Variants in MALRD1 observed in about 807,000 individuals in gnomAD.
The protein encoded by MALRD1 is MAM and LDL receptor class A domain containing 1.
MALRD1 carries 247 observed loss-of-function variants against 242.1 expected under a neutral mutation model. That is an observed-to-expected ratio of 1.02 (90% CI 0.92 to 1.13). The LOEUF is 1.13. Ranked by LOEUF, MALRD1 falls within the 50% of genes most tolerant of loss-of-function variation. The pLI is 0.00. For missense variants in MALRD1, 2,989 were observed against 2,533.1 expected, an observed-to-expected ratio of 1.18 and a Z score of -3.86; for synonymous variants, 995 against 866.6, an observed-to-expected ratio of 1.15 and a Z score of -2.60.
intron 18 of MALRD1, among the ~76,000 whole-genome samples, chr10:19,252,309 G>T (rs1023297926): frequency 6.6e-6 from 1 of 152,028 alleles, no homozygotes; most frequent in Admixed American, 6.6e-5. Flanking sequence ...ACTGGGTCCA[G>T]CCCAAGGGCC....
intron 31 of MALRD1, among the ~76,000 whole-genome samples, chr10:19,520,134 T>G (rs1023052835): frequency 6.6e-6 from 1 of 152,166 alleles, no homozygotes; most frequent in African/African-American, 2.4e-5. Context: ...CAGAGAGGGT[T>G]ACTAACTTTC....
At position 19,588,553 on chromosome 10, in the gene MALRD1, C is replaced by G. The variant is rs192012312; in HGVS notation, c.5681-6641C>G. Among the ~76,000 whole-genome samples the G allele has an allele frequency of 4.1e-4, 62 of 152,352 alleles. No individual in the cohort carries two copies. In the East Asian group the frequency reaches 0.01, roughly 25 times the overall value. Reference sequence around the variant, plus strand: ...ATTTCCTGACAAAGCACAAGTATAGCTTTGATTGTGGGATTTTCTGTTGTT... The same window carrying G: ...ATTTCCTGACAAAGCACAAGTATAGGTTTGATTGTGGGATTTTCTGTTGTT... On this transcript the variant is annotated intron_variant, in intron 33 of 39. Transcript: ENST00000454679.
chr10:19,502,647 A>G (rs7068680), intron 31 of MALRD1, among the ~76,000 whole-genome samples: 63,062 of 151,976 alleles, frequency 0.41, 13,762 homozygotes, highest in Non-Finnish European at 0.49. Flanking sequence ...AAACAAGCCA[A>G]TTTTCATTTA....
At chr10:19,319,961 T>C (rs557690119) in intron 21 of MALRD1, among the ~76,000 whole-genome samples, 1 of 152,030 alleles carries the variant, frequency 6.6e-6, no homozygotes, top group South Asian at 2.1e-4. Flanking sequence ...CAAAAACATC[T>C]TAATTTTTAG....
At chr10:19,075,762 G>T (rs1284485504) in intron 2 of MALRD1, among the ~76,000 whole-genome samples, 1 of 152,060 alleles carries the variant, frequency 6.6e-6, no homozygotes, top group African/African-American at 2.4e-5. Context: ...GCCACACCGT[G>T]CTGGGACTTC....
chr10:19,072,745 A>G (rs925497107), intron 2 of MALRD1, among the ~76,000 whole-genome samples: 1 of 152,112 alleles, frequency 6.6e-6, no homozygotes, highest in African/African-American at 2.4e-5. Context: ...CAGCTTTATT[A>G]TGCTATTATT....
chr10:19,616,948 G>A (rs117065744), intron 36 of MALRD1, among the ~76,000 whole-genome samples: 4,130 of 151,800 alleles, frequency 0.027, 63 homozygotes, highest in Middle Eastern at 0.045. Context: ...ATCAGTTTCC[G>A]TGGAAATTAA....
At chr10:19,565,517 C>A (rs1190264191) in intron 32 of MALRD1, among the ~76,000 whole-genome samples, 3 of 152,114 alleles carry the variant, frequency 2.0e-5, no homozygotes, top group African/African-American at 7.2e-5. Flanking sequence ...GTGTAAAAAT[C>A]AGAGTTCACT....
intron 13 of MALRD1, among the ~76,000 whole-genome samples, chr10:19,170,307 A>T (rs1834867761): frequency 6.6e-6 from 1 of 152,000 alleles, no homozygotes; most frequent in South Asian, 2.1e-4. Flanking sequence ...TTTTCCCCCT[A>T]ACTATTGTGC....
intron 36 of MALRD1, among the ~76,000 whole-genome samples, chr10:19,682,804 G>A (rs931264001): frequency 1.3e-5 from 2 of 152,120 alleles, no homozygotes; most frequent in Non-Finnish European, 2.9e-5. Context: ...GAAAACACTC[G>A]ATCTGAGCTG....
intron 28 of MALRD1, among the ~76,000 whole-genome samples, chr10:19,446,631 C>T (rs1346637550): frequency 6.6e-6 from 1 of 152,050 alleles, no homozygotes; most frequent in Non-Finnish European, 1.5e-5. Context: ...TGAAGACAAA[C>T]ACACTATAAA....
intron 33 of MALRD1, among the ~76,000 whole-genome samples, chr10:19,575,549 T>C (rs1836775424): frequency 6.6e-6 from 1 of 151,980 alleles, no homozygotes; most frequent in Non-Finnish European, 1.5e-5. Flanking sequence ...ATAGAGATTA[T>C]TGCCAACGAG....
At position 19,283,111 on chromosome 10, in the gene MALRD1, TG is replaced by T. The variant is rs1426511419; in HGVS notation, c.3354del (p.Asn1121ThrfsTer63). Reference sequence around the variant, plus strand: ...GCTTCAAGATTCAAACACATTCAGGTGGGGGCTTGGGAACGGGATCAGCATT... The same window carrying T: ...GCTTCAAGATTCAAACACATTCAGGTGGGGCTTGGGAACGGGATCAGCATT... Reference protein sequence around the residue: ...HLLQDSNTFRWGLGNGISIHH... With the variant: ...HLLQDSNTFRXGLGNGISIHH... On this transcript the variant is annotated frameshift_variant, in exon 21 of 40. Coordinates refer to ENST00000454679, the MANE Select transcript of MALRD1 (RefSeq NM_001142308.3). LOFTEE classifies it high-confidence loss of function. 8 of 1,549,608 alleles carry T rather than the reference TG, an allele frequency of 5.2e-6. No individual in the cohort carries two copies. The South Asian group carries it at 8.3e-5, about 16-fold the overall frequency.
chr10:19,446,943 A>G (rs1271706747), intron 28 of MALRD1, among the ~76,000 whole-genome samples: 2 of 152,150 alleles, frequency 1.3e-5, no homozygotes, highest in African/African-American at 4.8e-5. Flanking sequence ...ATGAATTTAA[A>G]TCAGGATATT....
intron 14 of MALRD1, among the ~76,000 whole-genome samples, chr10:19,184,265 G>A (rs1366370662): frequency 6.6e-6 from 1 of 152,160 alleles, no homozygotes. Flanking sequence ...TAGCTCTCAA[G>A]TCAAACTTGG....
At chr10:19,138,757 T>G (rs1480580796) in intron 10 of MALRD1, among the ~76,000 whole-genome samples, 1 of 152,156 alleles carries the variant, frequency 6.6e-6, no homozygotes, top group East Asian at 1.9e-4. Flanking sequence ...TCCCCTCCAT[T>G]GTATTCCCCG....
At chr10:19,486,142 T>C (rs1837228410) in intron 29 of MALRD1, among the ~76,000 whole-genome samples, 1 of 152,152 alleles carries the variant, frequency 6.6e-6, no homozygotes, top group Non-Finnish European at 1.5e-5. Flanking sequence ...AAACTCTTAC[T>C]ATAATAAAAT....
intron 21 of MALRD1, among the ~76,000 whole-genome samples, chr10:19,289,486 A>G (rs778133409): frequency 6.6e-6 from 1 of 152,184 alleles, no homozygotes; most frequent in South Asian, 2.1e-4. Context: ...TTTAAATCGG[A>G]ATGCTTAATG....
intron 33 of MALRD1, among the ~76,000 whole-genome samples, chr10:19,589,022 A>G (rs758332606): frequency 1.2e-4 from 19 of 152,226 alleles, no homozygotes; most frequent in Non-Finnish European, 2.2e-4. Flanking sequence ...TACTTGCACA[A>G]TAAAGACAAG....
Sources: gnomAD v4.1 joint callset for allele counts (sites outside exome capture counted in the v4.1 genomes callset) on GRCh38, gnomAD v4.1.1 for gene constraint, MANE v1.5 for transcripts, NCBI Gene and HGNC (gene_info 2026-07-23, HGNC 2026-07-21) for gene names.